The following SPON1 variants were observed in gnomAD, a reference collection of about 807,000 sequenced individuals.
SPON1 encodes spondin 1.
A neutral mutation model predicts 111.7 loss-of-function variants in SPON1; 52 were observed. The ratio of observed to expected loss-of-function variants is 0.47; its 90% CI spans 0.37 to 0.59. The LOEUF (loss-of-function observed/expected upper bound fraction) is 0.59, where lower values mean the gene tolerates loss of function less well. Ranked by LOEUF, SPON1 falls within the 20% of genes least tolerant of loss-of-function variation. The pLI, the probability that SPON1 is intolerant of heterozygous loss-of-function variation, is 0.00. For synonymous variants in SPON1, 410 were observed against 395.8 expected, an observed-to-expected ratio of 1.04 and a Z score of -0.43; for missense variants, 957 against 1,068.5, an observed-to-expected ratio of 0.90 and a Z score of 1.46.
chr11:13,968,908 T>C (rs1280534940), intron 1 of SPON1, among the ~76,000 whole-genome samples: 5 of 152,160 alleles, frequency 3.3e-5, no homozygotes, highest in Non-Finnish European at 7.4e-5. Flanking sequence ...AGCTAAAACT[T>C]GAAGAATTTA....
At chr11:14,258,048 C>A in intron 11 of SPON1, 150 bp downstream of exon 11, 1 of 639,066 alleles carries the variant, frequency 1.6e-6, no homozygotes, top group Non-Finnish European at 2.5e-6. Context: ...CTATCTGCAA[C>A]AGTGTCTTGA....
chr11:13,976,093 A>G (rs1267117888), intron 1 of SPON1, among the ~76,000 whole-genome samples: 1 of 152,212 alleles, frequency 6.6e-6, no homozygotes, highest in African/African-American at 2.4e-5. Flanking sequence ...CTTTTTAAAA[A>G]TAAGGAAATA....
chr11:14,252,091 T>C (rs1554940712), intron 7 of SPON1, among the ~76,000 whole-genome samples: 1 of 152,104 alleles, frequency 6.6e-6, no homozygotes. Context: ...AAGCTAGAAG[T>C]GGAGGAGTTC....
At chr11:14,009,640 A>G (rs933215239) in intron 2 of SPON1, among the ~76,000 whole-genome samples, 9 of 152,224 alleles carry the variant, frequency 5.9e-5, no homozygotes, top group Middle Eastern at 3.2e-3. Flanking sequence ...TCAGACTGCT[A>G]TAACAAAATA....
At chr11:14,127,502 C>T (rs1028078037) in intron 5 of SPON1, among the ~76,000 whole-genome samples, 47 of 152,246 alleles carry the variant, frequency 3.1e-4, no homozygotes, top group African/African-American at 9.9e-4. Flanking sequence ...GACCCTCTCC[C>T]TTCCTATCCC....
intron 6 of SPON1, among the ~76,000 whole-genome samples, chr11:14,232,223 C>T (rs971433302): frequency 1.3e-5 from 2 of 151,998 alleles, no homozygotes; most frequent in African/African-American, 4.8e-5. Context: ...TCACCCTTCC[C>T]GGCTATATTT....
intron 5 of SPON1, among the ~76,000 whole-genome samples, chr11:14,124,579 G>T (rs1847433876): frequency 6.6e-6 from 1 of 152,168 alleles, no homozygotes; most frequent in Non-Finnish European, 1.5e-5. Context: ...GTGTCTCTAT[G>T]ACCTGGCACA....
intron 9 of SPON1, among the ~76,000 whole-genome samples, chr11:14,256,012 C>T (rs1397777181): frequency 6.6e-6 from 1 of 152,164 alleles, no homozygotes; most frequent in African/African-American, 2.4e-5. Flanking sequence ...TTTGGGAGTC[C>T]AAGGTGGGCA....
At chr11:14,114,055 C>A (rs1401479792) in intron 5 of SPON1, among the ~76,000 whole-genome samples, 1 of 152,154 alleles carries the variant, frequency 6.6e-6, no homozygotes, top group Non-Finnish European at 1.5e-5. Context: ...GAGTTACAAA[C>A]AATCCAATTA....
Position 14,255,783 on chromosome 11 carries a change from G to A in SPON1, c.1229G>A (p.Arg410Gln). ...VARVVIERIA[R>Q]KGEQCNIVPD... is the part of the protein sequence containing the mutation. Reference sequence around the variant, plus strand: ...AGAGTTGTCATCGAGAGAATCGCACGGAAGGTACTGGGTTAGAACCCACTC... The same window carrying A: ...AGAGTTGTCATCGAGAGAATCGCACAGAAGGTACTGGGTTAGAACCCACTC... Residue 410 changes from arginine (R) to glutamine (Q), a missense_variant, in exon 9 of 16, where the codon CGG becomes CAG. Around this residue, in one of 5 missense-constraint regions of SPON1, gnomAD observed 549 missense variants for 606.2 expected, o/e 0.91. Transcript: ENST00000576479. 1.2e-6 allele frequency: 2 copies of A among 1,613,708 alleles called. No homozygotes were observed. Among genetic ancestry groups the A allele is most frequent in the Non-Finnish European group, 1.7e-6 (2 of 1,179,826 alleles).
intron 5 of SPON1, among the ~76,000 whole-genome samples, chr11:14,125,241 T>C (rs1554926897): frequency 6.6e-6 from 1 of 152,118 alleles, no homozygotes; most frequent in Non-Finnish European, 1.5e-5. Flanking sequence ...AGCATGAAAA[T>C]AACAAGGGCA....
chr11:14,136,501 C>CACAGT (rs1461690866), intron 6 of SPON1, among the ~76,000 whole-genome samples: 1 of 152,232 alleles, frequency 6.6e-6, no homozygotes, highest in African/African-American at 2.4e-5. Flanking sequence ...GACCCCATCT[C>CACAGT]ACAGTCTGCA....
At chr11:13,995,231 T>G (rs917289977) in intron 2 of SPON1, among the ~76,000 whole-genome samples, 3 of 152,146 alleles carry the variant, frequency 2.0e-5, no homozygotes, top group Admixed American at 2.0e-4. Context: ...ATGAATGCAC[T>G]AATGACCAGC....
intron 5 of SPON1, among the ~76,000 whole-genome samples, chr11:14,088,075 T>C (rs1397553512): frequency 4.6e-5 from 7 of 152,234 alleles, no homozygotes; most frequent in Non-Finnish European, 8.8e-5. Context: ...GAGTCTTGAC[T>C]CTTTACCCAA....
chr11:13,982,734 C>T lies in SPON1; in HGVS notation c.239-113C>T. The T allele has an allele frequency of 6.9e-6, 5 of 721,042 alleles. No individual in the cohort carries two copies. The South Asian group carries it at 8.6e-5, about 12-fold the overall frequency. 44.7% of individuals were successfully genotyped at this position (721,042 alleles called of 1,614,324 possible). The stretch of plus-strand genomic sequence containing the variant: ...ATGAAGGCCTCAACACTGTCCACGG[C>T]CTCTGTAACTCACAGGTCTGGGATA... On this transcript the variant is annotated intron_variant, in intron 1 of 15. Transcript: ENST00000576479.
At chr11:14,127,305 A>G (rs1161639713) in intron 5 of SPON1, among the ~76,000 whole-genome samples, 1 of 150,920 alleles carries the variant, frequency 6.6e-6, no homozygotes, top group Non-Finnish European at 1.5e-5. Flanking sequence ...GACCTCCGAA[A>G]AAAAAAAAAA....
chr11:14,211,437 C>G (rs1179303041), intron 6 of SPON1, among the ~76,000 whole-genome samples: 1 of 152,238 alleles, frequency 6.6e-6, no homozygotes, highest in South Asian at 2.1e-4. Flanking sequence ...TGTGAAGGAC[C>G]TCTTCAAGGA....
intron 1 of SPON1, among the ~76,000 whole-genome samples, chr11:13,977,263 T>G (rs1325548469): frequency 1.3e-5 from 2 of 152,244 alleles, no homozygotes; most frequent in East Asian, 3.8e-4. Flanking sequence ...CAGTAAACAC[T>G]GCCAAAGAAT....
In SPON1 at chr11:13,999,821, C is replaced by A. The variant is rs527735676; in HGVS notation, c.345+16868C>A. On this transcript the variant is annotated intron_variant, in intron 2 of 15. Transcript: ENST00000576479. ...GCCAAGTTACTTTGTCTTGGTTTTT[C>A]CCTTGGACACAAACTTTCTCTCCAG... 4.6e-5 allele frequency among the ~76,000 whole-genome samples: 7 copies of A among 152,232 alleles called. No homozygotes were observed. The South Asian group carries it at 1.4e-3, about 32-fold the overall frequency.
Sources: gnomAD v4.1 joint callset for allele counts (sites outside exome capture counted in the v4.1 genomes callset) on GRCh38, gnomAD v4.1.1 for gene constraint, gnomAD v4.1.1 regional missense constraint, MANE v1.5 for transcripts, NCBI Gene and HGNC (gene_info 2026-07-23, HGNC 2026-07-21) for gene names.